PKNOX2: variants seen among roughly 807,000 people sequenced by gnomAD.
PKNOX2 encodes the protein homeobox protein PKNOX2.
Under a neutral mutation model 53.1 loss-of-function variants are expected in PKNOX2, and 14 were observed. The observed-to-expected ratio is 0.26, with a 90% confidence interval of 0.17 to 0.41. The LOEUF is 0.41. Ranked by LOEUF, PKNOX2 falls within the 10% of genes least tolerant of loss-of-function variation. The pLI, the probability that PKNOX2 is intolerant of heterozygous loss-of-function variation, is 1.00. For missense variants in PKNOX2, 496 were observed against 602.8 expected (o/e 0.82, Z 1.85); for synonymous variants, 257 against 242.8 (o/e 1.06, Z -0.54).
rs143585226 is a variant in PKNOX2, at chr11:125,360,019, C to T, written c.88-7827C>T. Among the ~76,000 whole-genome samples, 679 of 152,164 alleles carry T rather than the reference C, an allele frequency of 4.5e-3. 4 individuals are homozygous for T. Among genetic ancestry groups the T allele is most frequent in the South Asian group, 0.023 (113 of 4,820 alleles). The stretch of plus-strand genomic sequence containing the variant: ...GATTACAGGCGTGAGCCACCATGCC[C>T]GGTGTAATCCCAGCTATACGGGAGG... On this transcript the variant is annotated intron_variant, in intron 4 of 12. Transcript: ENST00000298282.
chr11:125,261,966 A>G (rs1944881098), intron 2 of PKNOX2, among the ~76,000 whole-genome samples: 1 of 152,250 alleles, frequency 6.6e-6, no homozygotes, highest in Non-Finnish European at 1.5e-5. Flanking sequence ...CTTCACAGAC[A>G]GAGCAACTTC....
chr11:125,201,007 C>T (rs1184920324), intron 1 of PKNOX2, among the ~76,000 whole-genome samples: 2 of 152,170 alleles, frequency 1.3e-5, no homozygotes, highest in Non-Finnish European at 2.9e-5. Flanking sequence ...AAGTAGAGAA[C>T]TTGATGGGGA....
chr11:125,327,097 T>C (rs945970813), intron 2 of PKNOX2, among the ~76,000 whole-genome samples: 4 of 152,170 alleles, frequency 2.6e-5, no homozygotes, highest in Admixed American at 2.6e-4. Context: ...CTGAGATAGA[T>C]ACCAGAGTGG....
Position 125,428,968 on chromosome 11 carries a change from T to C in PKNOX2, c.937-44T>C, listed in dbSNP as rs1188843957. On this transcript the variant is annotated intron_variant, in intron 10 of 12. Coordinates refer to ENST00000298282, the MANE Select transcript of PKNOX2 (RefSeq NM_001382323.2). ...GGCACAGTCCCTTGGGGGGGCCAGA[T>C]CAGCATATGCCCAGCCCTCACTAGT... 1.9e-6 allele frequency: 3 copies of C among 1,556,038 alleles called. No homozygotes were observed. In the Admixed American group the frequency reaches 5.0e-5, roughly 26 times the overall value.
At chr11:125,320,447 ACAGGAGGGTGGG>A (rs1591526590) in intron 2 of PKNOX2, among the ~76,000 whole-genome samples, 1 of 152,078 alleles carries the variant, frequency 6.6e-6, no homozygotes, top group African/African-American at 2.4e-5. Flanking sequence ...GCTTGGAGGA[ACAGGAGGGTGGG>A]CAGCAGAGGA....
At chr11:125,300,794 A>AG (rs1948008367) in intron 2 of PKNOX2, among the ~76,000 whole-genome samples, 1 of 152,154 alleles carries the variant, frequency 6.6e-6, no homozygotes, top group East Asian at 1.9e-4. Flanking sequence ...TTTCCTCTAT[A>AG]GGGAAACCTG....
At chr11:125,408,027 T>G (rs1955222872) in intron 7 of PKNOX2, among the ~76,000 whole-genome samples, 1 of 152,202 alleles carries the variant, frequency 6.6e-6, no homozygotes, top group Admixed American at 6.5e-5. Flanking sequence ...TGTTTTTATC[T>G]GTTCACCTTG....
At chr11:125,284,427 G>A (rs1591512248) in intron 2 of PKNOX2, among the ~76,000 whole-genome samples, 1 of 152,200 alleles carries the variant, frequency 6.6e-6, no homozygotes. Context: ...ATAGATTGTG[G>A]TGCGTGTTAG....
chr11:125,272,794 G>A (rs1451570570), intron 2 of PKNOX2, among the ~76,000 whole-genome samples: 5 of 152,216 alleles, frequency 3.3e-5, no homozygotes, highest in Admixed American at 6.5e-5. Flanking sequence ...CAGGAGAGGA[G>A]CAGCAATGAA....
intron 6 of PKNOX2, among the ~76,000 whole-genome samples, chr11:125,393,643 G>A (rs1037627067): frequency 8.5e-5 from 13 of 152,110 alleles, no homozygotes; most frequent in Admixed American, 3.3e-4. Context: ...AGCCCTCTCC[G>A]TGTGCACATG....
intron 2 of PKNOX2, among the ~76,000 whole-genome samples, chr11:125,304,438 T>C (rs574895388): frequency 1.4e-4 from 22 of 152,228 alleles, no homozygotes; most frequent in African/African-American, 5.1e-4. Flanking sequence ...AGCCAGCGTG[T>C]GGCAGCCTGA....
At chr11:125,371,095 CTG>C (rs1175390825) in intron 5 of PKNOX2, among the ~76,000 whole-genome samples, 1 of 152,200 alleles carries the variant, frequency 6.6e-6, no homozygotes, top group East Asian at 1.9e-4. Context: ...GATGTGGAAA[CTG>C]TGGGGTGGGG....
intron 6 of PKNOX2, 29 bp downstream of exon 6, chr11:125,385,751 TAG>T: frequency 6.2e-7 from 1 of 1,604,812 alleles, no homozygotes; most frequent in Admixed American, 1.7e-5. Context: ...CTACCCTGGC[TAG>T]AGTCTTCCTA....
chr11:125,320,032 C>A (rs944987129), intron 2 of PKNOX2, among the ~76,000 whole-genome samples: 21 of 152,162 alleles, frequency 1.4e-4, no homozygotes, highest in African/African-American at 4.8e-4. Context: ...AGTATTTGCA[C>A]CTTCAAAAAG....
chr11:125,266,494 T>A (rs1448311383), intron 2 of PKNOX2: 2 of 152,148 alleles, frequency 1.3e-5, no homozygotes, highest in Non-Finnish European at 2.9e-5. Flanking sequence ...AGGGGTGGGA[T>A]TATGGATGTG....
intron 2 of PKNOX2, among the ~76,000 whole-genome samples, chr11:125,325,240 C>A (rs1475348518): frequency 6.6e-6 from 1 of 152,206 alleles, no homozygotes; most frequent in Non-Finnish European, 1.5e-5. Flanking sequence ...CCTGCTTATC[C>A]GTTCTTTCCC....
intron 3 of PKNOX2, among the ~76,000 whole-genome samples, chr11:125,337,960 C>T (rs1442713354): frequency 6.6e-6 from 1 of 152,146 alleles, no homozygotes; most frequent in East Asian, 1.9e-4. Flanking sequence ...GACAGTCTGC[C>T]CTAGTGCCTG....
intron 2 of PKNOX2, among the ~76,000 whole-genome samples, chr11:125,244,506 C>G (rs1190654791): frequency 6.6e-6 from 1 of 152,222 alleles, no homozygotes; most frequent in African/African-American, 2.4e-5. Context: ...TCGCCTTCCC[C>G]CTGAGTTGGA....
intron 2 of PKNOX2, among the ~76,000 whole-genome samples, chr11:125,293,807 A>T (rs956631454): frequency 7.3e-6 from 1 of 136,642 alleles, no homozygotes; most frequent in Non-Finnish European, 1.5e-5. Flanking sequence ...ACACGCTCAC[A>T]CACACTCACA....
Sources: allele counts gnomAD v4.1 joint callset (sites outside exome capture counted in the v4.1 genomes callset), GRCh38; gene constraint gnomAD v4.1.1; transcripts MANE v1.5; gene names NCBI Gene and HGNC (gene_info 2026-07-23, HGNC 2026-07-21).